The following DLC1 variants were observed in gnomAD, a reference collection of about 807,000 sequenced individuals.
DLC1 encodes DLC1 Rho GTPase activating protein, also known as rho GTPase-activating protein 7.
In DLC1, 54 loss-of-function variants were observed where a neutral mutation model predicts 140.3. The ratio of observed to expected loss-of-function variants is 0.38; its 90% CI spans 0.31 to 0.48. DLC1 has a LOEUF of 0.48. Ranked by LOEUF, DLC1 falls within the 20% of genes least tolerant of loss-of-function variation. The pLI is 0.96. For synonymous variants in DLC1, 986 were observed against 728.1 expected (o/e 1.35, Z -5.70); for missense variants, 2,536 against 1,907.0 (o/e 1.33, Z -6.14).
intron 4 of DLC1, among the ~76,000 whole-genome samples, chr8:13,359,271 C>A (rs1835107287): frequency 6.6e-6 from 1 of 151,908 alleles, no homozygotes; most frequent in African/African-American, 2.4e-5. Flanking sequence ...TGTTCTCTCT[C>A]CTCTCTCACA....
intron 5 of DLC1, among the ~76,000 whole-genome samples, chr8:13,264,401 G>A (rs565076601): frequency 3.3e-5 from 5 of 152,184 alleles, no homozygotes; most frequent in South Asian, 2.1e-4. Flanking sequence ...GTTCAAACAC[G>A]AATAATATCA....
At chr8:13,216,275 A>G (rs1465551226) in intron 5 of DLC1, among the ~76,000 whole-genome samples, 1 of 152,218 alleles carries the variant, frequency 6.6e-6, no homozygotes, top group Non-Finnish European at 1.5e-5. Context: ...AAAGAGTCAA[A>G]GTTGTTACAA....
intron 2 of DLC1, among the ~76,000 whole-genome samples, chr8:13,495,859 G>C (rs908816910): frequency 2.6e-5 from 4 of 152,068 alleles, no homozygotes; most frequent in African/African-American, 4.8e-5. Context: ...CCCCTTATAA[G>C]CTCTTTTATT....
Position 13,085,865 on chromosome 8 carries a change from G to C in DLC1, c.4533C>G (p.Ile1511Met), listed in dbSNP as rs78322853. The change falls in exon 18 of 18, where the codon ATC (isoleucine) becomes ATG (methionine). Residue 1511 changes from isoleucine to methionine, a missense_variant. By Grantham distance (10) the Ile-to-Met change is conservative. Transcript: ENST00000276297. ...TGTTCTGGTTACTGAAGGAATCCCG[G>C]ATCTTTACAACTTCAGCTGCACACA... ...GHLCAAEVVK[I>M]RDSFSNQNTE... 4 of 1,614,114 alleles carry C rather than the reference G, an allele frequency of 2.5e-6. No individual in the cohort carries two copies. The East Asian group carries it at 6.7e-5, about 27-fold the overall frequency.
chr8:13,512,878 A>G (rs939207084), intron 1 of DLC1, among the ~76,000 whole-genome samples: 6 of 152,076 alleles, frequency 3.9e-5, no homozygotes, highest in African/African-American at 1.4e-4. Context: ...TTACTACTGT[A>G]AAGTGTTTAT....
chr8:13,338,974 A>C (rs961826106), intron 4 of DLC1, among the ~76,000 whole-genome samples: 2 of 152,200 alleles, frequency 1.3e-5, no homozygotes, highest in Non-Finnish European at 2.9e-5. Flanking sequence ...TAAAACACAC[A>C]TACTGATTTG....
chr8:13,121,993 A>C (rs1821119863), intron 5 of DLC1, among the ~76,000 whole-genome samples: 1 of 152,130 alleles, frequency 6.6e-6, no homozygotes, highest in East Asian at 1.9e-4. Flanking sequence ...AAGCCAGATA[A>C]CATTTCTTTG....
chr8:13,210,811 A>G (rs1008144319), intron 5 of DLC1, among the ~76,000 whole-genome samples: 2 of 152,186 alleles, frequency 1.3e-5, no homozygotes, highest in Non-Finnish European at 2.9e-5. Context: ...AATGAAAACC[A>G]AATACAGCAT....
intron 7 of DLC1, among the ~76,000 whole-genome samples, chr8:13,105,106 A>G (rs999261355): frequency 6.6e-6 from 1 of 152,222 alleles, no homozygotes; most frequent in Non-Finnish European, 1.5e-5. Flanking sequence ...TACTAGCCAG[A>G]GGCCTATGGG....
At chr8:13,139,193 G>C (rs1447518404) in intron 5 of DLC1, among the ~76,000 whole-genome samples, 3 of 149,358 alleles carry the variant, frequency 2.0e-5, no homozygotes, top group African/African-American at 7.4e-5. Context: ...GGGAGGCTGA[G>C]GAAGGAGGAT....
At chr8:13,455,747 A>T (rs927189417) in intron 2 of DLC1, among the ~76,000 whole-genome samples, 3 of 152,170 alleles carry the variant, frequency 2.0e-5, no homozygotes, top group Non-Finnish European at 4.4e-5. Context: ...AAGGTGGCTC[A>T]TGCATGTAAT....
chr8:13,445,434 T>G (rs1798733246), intron 2 of DLC1, among the ~76,000 whole-genome samples: 1 of 152,184 alleles, frequency 6.6e-6, no homozygotes, highest in Admixed American at 6.5e-5. Flanking sequence ...TCACAGGGCT[T>G]ATAAGTCAGA....
chr8:13,301,323 G>A (rs567862923), intron 5 of DLC1, among the ~76,000 whole-genome samples: 26 of 152,202 alleles, frequency 1.7e-4, no homozygotes, highest in African/African-American at 6.0e-4. Context: ...CATGGAGAAA[G>A]TGATCTTTCT....
At chr8:13,151,683 CCTA>C (rs1194339109) in intron 5 of DLC1, among the ~76,000 whole-genome samples, 1 of 152,302 alleles carries the variant, frequency 6.6e-6, no homozygotes, top group African/African-American at 2.4e-5. Context: ...TTGACCCCAG[CCTA>C]CTCTTTGCAC....
intron 4 of DLC1, among the ~76,000 whole-genome samples, chr8:13,313,292 T>C (rs980940536): frequency 6.6e-6 from 1 of 152,184 alleles, no homozygotes; most frequent in Non-Finnish European, 1.5e-5. Flanking sequence ...ACACAGTCTT[T>C]TGCTAAGTGC....
intron 2 of DLC1, among the ~76,000 whole-genome samples, chr8:13,433,641 A>T (rs1465051560): frequency 1.3e-5 from 2 of 152,204 alleles, no homozygotes; most frequent in African/African-American, 2.4e-5. Context: ...AGATTATGCA[A>T]TTATAGGTAG....
intron 4 of DLC1, among the ~76,000 whole-genome samples, chr8:13,360,749 A>C (rs938347070): frequency 6.6e-6 from 1 of 152,192 alleles, no homozygotes; most frequent in African/African-American, 2.4e-5. Flanking sequence ...AATGTAGAAA[A>C]CAATGAAAAA....
At chr8:13,468,340 T>TCCCCG (rs1321403099) in intron 2 of DLC1, among the ~76,000 whole-genome samples, 1 of 55,298 alleles carries the variant, frequency 1.8e-5, no homozygotes, top group Non-Finnish European at 4.4e-5. Flanking sequence ...TTCCCCCCAT[T>TCCCCG]CCCCTCCCCT....
intron 1 of DLC1, among the ~76,000 whole-genome samples, chr8:13,600,453 C>G (rs1213545965): frequency 6.6e-6 from 1 of 151,806 alleles, no homozygotes; most frequent in South Asian, 2.1e-4. Context: ...TAGCTACAAC[C>G]GAAGAGTGTC....
Sources: gnomAD v4.1 joint callset for allele counts (sites outside exome capture counted in the v4.1 genomes callset) on GRCh38, gnomAD v4.1.1 for gene constraint, MANE v1.5 for transcripts, NCBI Gene and HGNC (gene_info 2026-07-23, HGNC 2026-07-21) for gene names.